DLGAP2: variants seen among roughly 807,000 people sequenced by gnomAD.
The protein encoded by DLGAP2 is DLG associated protein 2.
DLGAP2 carries 26 observed loss-of-function variants against 100.3 expected under a neutral mutation model. That is an observed-to-expected ratio of 0.26 (90% CI 0.19 to 0.36). DLGAP2 has a LOEUF of 0.36. Among genes scored for constraint, DLGAP2 ranks in the 10% least tolerant of loss-of-function variants. The pLI is 1.00. For synonymous variants in DLGAP2, 886 were observed against 630.1 expected (o/e 1.41, Z -6.08); for missense variants, 1,858 against 1,453.2 (o/e 1.28, Z -4.53).
rs74977897 is a variant in DLGAP2, at chr8:764,028, A to C, written c.18+26203A>C. On this transcript the variant is annotated intron_variant, in intron 1 of 14. Coordinates refer to ENST00000637795, the MANE Select transcript of DLGAP2 (RefSeq NM_001346810.2). ...ATTTTTAAGAGTCTAGTTTGTTCCA[A>C]TAGGGTGTGTATGTCTTAAGACTTC... is the stretch of plus-strand genomic sequence containing the variant. Among the ~76,000 whole-genome samples, 805 of 152,310 alleles carry C rather than the reference A, an allele frequency of 5.3e-3. 12 individuals carry two copies. Among genetic ancestry groups the C allele is most frequent in the African/African-American group, 0.018 (762 of 41,560 alleles).
intron 3 of DLGAP2, among the ~76,000 whole-genome samples, chr8:1,486,184 A>G (rs534386906): frequency 5.4e-4 from 83 of 152,302 alleles, no homozygotes; most frequent in Non-Finnish European, 7.1e-4. Context: ...ACCATCCTAC[A>G]GATAAGGAAA....
intron 2 of DLGAP2, among the ~76,000 whole-genome samples, chr8:1,212,183 C>G (rs530979012): frequency 6.6e-6 from 1 of 152,224 alleles, no homozygotes; most frequent in Admixed American, 6.5e-5. Flanking sequence ...TTCCCAAGAG[C>G]CTCATGTTCA....
At position 1,437,157 on chromosome 8, in the gene DLGAP2, C is replaced by CCCA. The variant is rs1797662822; in HGVS notation, c.107-64209_107-64208insCCA. Among the ~76,000 whole-genome samples, 5 of 148,232 alleles carry CCCA rather than the reference C, an allele frequency of 3.4e-5. 2 individuals carry two copies. Reference sequence around the variant, plus strand: ...TGACGCCATCCGGGTCTGCGTTCAGCGCAGGCGCGTAAGGGTGACGCCATC... The same window carrying CCCA: ...TGACGCCATCCGGGTCTGCGTTCAGCCCAGCAGGCGCGTAAGGGTGACGCCATC... On this transcript the variant is annotated intron_variant, in intron 3 of 14. Coordinates refer to ENST00000637795, the MANE Select transcript of DLGAP2 (RefSeq NM_001346810.2).
At chr8:860,553 A>G (rs973906033) in intron 1 of DLGAP2, among the ~76,000 whole-genome samples, 1 of 152,222 alleles carries the variant, frequency 6.6e-6, no homozygotes. Flanking sequence ...CATTTGCATA[A>G]CACTCATGGC....
At chr8:1,578,743 G>T (rs1196619952) in intron 6 of DLGAP2, among the ~76,000 whole-genome samples, 1 of 152,134 alleles carries the variant, frequency 6.6e-6, no homozygotes, top group African/African-American at 2.4e-5. Flanking sequence ...CTAACATAGT[G>T]CAAGATAATA....
intron 3 of DLGAP2, among the ~76,000 whole-genome samples, chr8:1,389,994 C>G (rs1796311753): frequency 6.6e-6 from 1 of 152,170 alleles, no homozygotes; most frequent in South Asian, 2.1e-4. Context: ...AGGCTCTCGT[C>G]TGCACCCACG....
intron 2 of DLGAP2, among the ~76,000 whole-genome samples, chr8:988,392 T>C (rs1352185820): frequency 6.6e-6 from 1 of 152,228 alleles, no homozygotes; most frequent in Non-Finnish European, 1.5e-5. Flanking sequence ...AAGCTGCAGG[T>C]AACACTCAGC....
At chr8:1,047,632 G>A (rs1301460782) in intron 2 of DLGAP2, among the ~76,000 whole-genome samples, 1 of 152,084 alleles carries the variant, frequency 6.6e-6, no homozygotes, top group African/African-American at 2.4e-5. Flanking sequence ...TCAGTGTCCA[G>A]CGACAGCCAC....
chr8:1,384,512 G>A (rs867578990), intron 3 of DLGAP2, among the ~76,000 whole-genome samples: 2 of 84,990 alleles, frequency 2.4e-5, no homozygotes, highest in Non-Finnish European at 2.5e-5. Context: ...GCCTGTGCCC[G>A]GCCCCTGAGA....
rs148817952 is a variant in DLGAP2 at position 787,744 on chromosome 8, C to G, written c.18+49919C>G. On this transcript the variant is annotated intron_variant, in intron 1 of 14. Transcript: ENST00000637795. ...CTGTCTCAGCCTACATCGGAATGGT[C>G]ACACCCAAAAGTTCATCTTCCTGGA... is the stretch of plus-strand genomic sequence containing the variant. Among the ~76,000 whole-genome samples the G allele has an allele frequency of 3.8e-3, 572 of 152,324 alleles. 4 individuals are homozygous for G. Among genetic ancestry groups the G allele is most frequent in the Middle Eastern group, 6.8e-3 (2 of 294 alleles).
chr8:933,312 G>A (rs950759083), intron 2 of DLGAP2, among the ~76,000 whole-genome samples: 1 of 152,166 alleles, frequency 6.6e-6, no homozygotes, highest in African/African-American at 2.4e-5. Flanking sequence ...TCCCGGGGGT[G>A]AGGGCAGAGT....
chr8:919,939 A>G (rs1798673857), intron 2 of DLGAP2, among the ~76,000 whole-genome samples: 1 of 152,196 alleles, frequency 6.6e-6, no homozygotes, highest in Non-Finnish European at 1.5e-5. Context: ...CCCCATGTCT[A>G]TAACTAGCAT....
chr8:756,204 C>T (rs993662506), intron 1 of DLGAP2, among the ~76,000 whole-genome samples: 5 of 151,934 alleles, frequency 3.3e-5, no homozygotes, highest in African/African-American at 1.2e-4. Context: ...GAGCTGGCGT[C>T]TGGGGGGGAT....
rs931338515 is a variant in DLGAP2 at position 791,771 on chromosome 8, C to T, written c.18+53946C>T. ...CAAGAAAAGCACAGCAGAGAGAACC[C>T]GTTATGCCTCCCCCTTATTCACTTT... On this transcript the variant is annotated intron_variant, in intron 1 of 14. Coordinates refer to ENST00000637795, the MANE Select transcript of DLGAP2 (RefSeq NM_001346810.2). 3.9e-5 allele frequency among the ~76,000 whole-genome samples: 6 copies of T among 152,272 alleles called. No individual in the cohort carries two copies. The South Asian group carries it at 1.2e-3, about 32-fold the overall frequency.
intron 1 of DLGAP2, among the ~76,000 whole-genome samples, chr8:843,314 T>C (rs949060392): frequency 6.6e-5 from 10 of 152,224 alleles, no homozygotes; most frequent in Non-Finnish European, 1.3e-4. Flanking sequence ...GACGTGTTTT[T>C]CCCTCAGTCC....
intron 2 of DLGAP2, among the ~76,000 whole-genome samples, chr8:1,047,427 C>T (rs924525700): frequency 5.3e-5 from 8 of 152,228 alleles, no homozygotes; most frequent in African/African-American, 1.7e-4. Flanking sequence ...ATTTTAAAAT[C>T]CAAAATGCTC....
chr8:808,206 G>A (rs1004083011), intron 1 of DLGAP2, among the ~76,000 whole-genome samples: 2 of 152,140 alleles, frequency 1.3e-5, no homozygotes, highest in Non-Finnish European at 2.9e-5. Flanking sequence ...ACACAGGTTT[G>A]GCACATTTGA....
chr8:1,664,115 G>T (rs555545874), intron 8 of DLGAP2, among the ~76,000 whole-genome samples: 1 of 152,348 alleles, frequency 6.6e-6, no homozygotes, highest in Non-Finnish European at 1.5e-5. Context: ...GGCTGTGGGT[G>T]CGGGCACAGC....
At chr8:885,793 C>T (rs2128994521) in intron 1 of DLGAP2, among the ~76,000 whole-genome samples, 1 of 152,216 alleles carries the variant, frequency 6.6e-6, no homozygotes, top group Middle Eastern at 3.4e-3. Flanking sequence ...AGATATGTTC[C>T]TTCAATACCT....
Sources: allele counts gnomAD v4.1 joint callset (sites outside exome capture counted in the v4.1 genomes callset), GRCh38; gene constraint gnomAD v4.1.1; transcripts MANE v1.5; gene names NCBI Gene and HGNC (gene_info 2026-07-23, HGNC 2026-07-21).